Variants in LRRTM4 observed in about 807,000 individuals in gnomAD.
The protein encoded by LRRTM4 is leucine rich repeat transmembrane neuronal 4.
Under a neutral mutation model 47.6 loss-of-function variants are expected in LRRTM4, and 25 were observed. The ratio of observed to expected loss-of-function variants is 0.53; its 90% CI spans 0.38 to 0.73. The LOEUF (loss-of-function observed/expected upper bound fraction) is 0.73, where lower values mean the gene tolerates loss of function less well. Among genes scored for constraint, LRRTM4 ranks in the 30% least tolerant of loss-of-function variants. LRRTM4 has a pLI of 0.00. For missense variants in LRRTM4, 638 were observed against 713.4 expected (o/e 0.89, Z 1.20); for synonymous variants, 311 against 269.5 (o/e 1.15, Z -1.51).
chr2:77,081,230 G>C (rs906166718), intron 3 of LRRTM4, among the ~76,000 whole-genome samples: 1 of 136,404 alleles, frequency 7.3e-6, no homozygotes, highest in South Asian at 2.4e-4. Context: ...TCCCAGCACC[G>C]AAAAATACCT....
intron 3 of LRRTM4, among the ~76,000 whole-genome samples, chr2:77,105,356 G>A (rs896586313): frequency 6.6e-6 from 1 of 151,850 alleles, no homozygotes; most frequent in African/African-American, 2.4e-5. Flanking sequence ...CCCTTTATAG[G>A]GACATGGATG....
intron 3 of LRRTM4, among the ~76,000 whole-genome samples, chr2:77,415,618 T>C (rs1467914778): frequency 6.6e-6 from 1 of 152,164 alleles, no homozygotes; most frequent in Non-Finnish European, 1.5e-5. Context: ...TATTTGCCTG[T>C]TTAATTTCCT....
intron 3 of LRRTM4, among the ~76,000 whole-genome samples, chr2:77,265,948 T>C (rs1676038335): frequency 6.6e-6 from 1 of 152,194 alleles, no homozygotes; most frequent in African/African-American, 2.4e-5. Flanking sequence ...ATAACATTAC[T>C]TGTTGAAAAC....
chr2:77,088,188 G>A (rs868187946), intron 3 of LRRTM4, among the ~76,000 whole-genome samples: 4 of 152,130 alleles, frequency 2.6e-5, no homozygotes, highest in African/African-American at 4.8e-5. Context: ...TACTGCCTAC[G>A]TGGTTAACCC....
At chr2:77,394,066 A>C (rs991111308) in intron 3 of LRRTM4, among the ~76,000 whole-genome samples, 3 of 151,972 alleles carry the variant, frequency 2.0e-5, no homozygotes, top group Non-Finnish European at 4.4e-5. Context: ...TCATTTTTGC[A>C]ACATTCAGGA....
At chr2:77,423,042 A>C (rs1674963621) in intron 3 of LRRTM4, among the ~76,000 whole-genome samples, 1 of 152,204 alleles carries the variant, frequency 6.6e-6, no homozygotes, top group African/African-American at 2.4e-5. Context: ...AATTTTAATC[A>C]TATTGTGTTT....
At chr2:76,781,564 G>A (rs1035409773) in intron 3 of LRRTM4, among the ~76,000 whole-genome samples, 4 of 151,026 alleles carry the variant, frequency 2.6e-5, no homozygotes, top group Admixed American at 1.3e-4. Flanking sequence ...AGGGAACTCC[G>A]TGACCCCTTG....
At chr2:77,212,305 A>ACT (rs1352549503) in intron 3 of LRRTM4, among the ~76,000 whole-genome samples, 1 of 151,578 alleles carries the variant, frequency 6.6e-6, no homozygotes, top group Non-Finnish European at 1.5e-5. Context: ...ACTATTACTA[A>ACT]ATTAATACAA....
intron 3 of LRRTM4, among the ~76,000 whole-genome samples, chr2:76,919,706 C>A (rs2103804487): frequency 6.6e-6 from 1 of 152,280 alleles, no homozygotes; most frequent in East Asian, 1.9e-4. Flanking sequence ...TCTATTTTTA[C>A]AGCCATTTTA....
chr2:77,246,448 C>T (rs1675449214), intron 3 of LRRTM4, among the ~76,000 whole-genome samples: 1 of 152,034 alleles, frequency 6.6e-6, no homozygotes, highest in African/African-American at 2.4e-5. Context: ...TCAAAATTGG[C>T]ACATGTGAAT....
intron 3 of LRRTM4, among the ~76,000 whole-genome samples, chr2:77,469,892 C>T (rs1677120361): frequency 6.6e-6 from 1 of 152,040 alleles, no homozygotes; most frequent in Admixed American, 6.6e-5. Context: ...ATATAATTGT[C>T]TCCATTTTTA....
At chr2:77,386,837 T>C (rs1466750069) in intron 3 of LRRTM4, among the ~76,000 whole-genome samples, 2 of 152,024 alleles carry the variant, frequency 1.3e-5, no homozygotes, top group East Asian at 1.9e-4. Context: ...ACCTAATGCA[T>C]GTGGAGCTTA....
At chr2:76,911,531 A>G (rs1016653084) in intron 3 of LRRTM4, among the ~76,000 whole-genome samples, 1 of 152,158 alleles carries the variant, frequency 6.6e-6, no homozygotes, top group Non-Finnish European at 1.5e-5. Context: ...AAAGTTCAAG[A>G]TAATGGCAGT....
At chr2:76,848,344 A>G (rs925549080) in intron 3 of LRRTM4, among the ~76,000 whole-genome samples, 3 of 152,116 alleles carry the variant, frequency 2.0e-5, no homozygotes, top group Admixed American at 2.0e-4. Flanking sequence ...TTTATCTACC[A>G]TCTGCAAATA....
At chr2:77,359,484 C>T (rs1256964898) in intron 3 of LRRTM4, among the ~76,000 whole-genome samples, 1 of 152,146 alleles carries the variant, frequency 6.6e-6, no homozygotes. Flanking sequence ...CAATTTCCCT[C>T]CTCCATCTCC....
At chr2:77,417,056 A>T (rs1674661972) in intron 3 of LRRTM4, among the ~76,000 whole-genome samples, 1 of 152,042 alleles carries the variant, frequency 6.6e-6, no homozygotes, top group Admixed American at 6.5e-5. Context: ...AGAAAAAAAC[A>T]AACAACCCCA....
intron 3 of LRRTM4, among the ~76,000 whole-genome samples, chr2:77,371,088 T>C (rs915208094): frequency 6.6e-6 from 1 of 151,784 alleles, no homozygotes; most frequent in African/African-American, 2.4e-5. Flanking sequence ...TAAGGGAATG[T>C]TATTCATCCA....
intron 3 of LRRTM4, among the ~76,000 whole-genome samples, chr2:77,371,110 G>T (rs1573324584): frequency 6.6e-6 from 1 of 151,778 alleles, no homozygotes; most frequent in African/African-American, 2.4e-5. Flanking sequence ...TATTTCAATG[G>T]TCAACTTACA....
chr2:77,011,531 TTGTGTGTGTGTG>T (rs56982328), intron 3 of LRRTM4, among the ~76,000 whole-genome samples: 13,842 of 144,082 alleles, frequency 0.096, 943 homozygotes, highest in East Asian at 0.36. Context: ...GAAGAAGCAT[TTGTGTGTGTGTG>T]TGTGTGTGTG....
Sources: allele counts gnomAD v4.1 joint callset (sites outside exome capture counted in the v4.1 genomes callset), GRCh38; gene constraint gnomAD v4.1.1; transcripts MANE v1.5; gene names NCBI Gene and HGNC (gene_info 2026-07-23, HGNC 2026-07-21).